Variants in EBF2 observed in about 807,000 individuals in gnomAD.
EBF2 encodes transcription factor COE2.
In EBF2, 21 loss-of-function variants were observed where a neutral mutation model predicts 72.8. The observed-to-expected ratio is 0.29, with a 90% CI of 0.20 to 0.42. The LOEUF (loss-of-function observed/expected upper bound fraction) is 0.42. Ranked by LOEUF, EBF2 falls within the 10% of genes least tolerant of loss-of-function variation. The pLI, the probability that EBF2 is intolerant of heterozygous loss-of-function variation, is 1.00. For synonymous variants in EBF2, 299 were observed against 274.2 expected (o/e 1.09, Z -0.89); for missense variants, 637 against 731.2 (o/e 0.87, Z 1.49).
intron 15 of EBF2, among the ~76,000 whole-genome samples, chr8:25,845,537 C>T (rs1416385463): frequency 3.3e-5 from 5 of 152,214 alleles, no homozygotes; most frequent in African/African-American, 9.6e-5. Flanking sequence ...CCAATTCCTA[C>T]TCTTCATCAC....
intron 6 of EBF2, among the ~76,000 whole-genome samples, chr8:26,000,331 A>G (rs1323609999): frequency 1.3e-5 from 2 of 152,188 alleles, no homozygotes; most frequent in Non-Finnish European, 2.9e-5. Flanking sequence ...AGTGGCCTTT[A>G]TGAAGCTCAA....
intron 6 of EBF2, among the ~76,000 whole-genome samples, chr8:25,926,936 A>C (rs1803397390): frequency 1.3e-5 from 2 of 152,210 alleles, no homozygotes; most frequent in Admixed American, 6.5e-5. Context: ...GAGGATTCAG[A>C]AGTCCAAGGA....
chr8:26,033,577 C>T (rs1033556922), intron 5 of EBF2, among the ~76,000 whole-genome samples: 3 of 152,140 alleles, frequency 2.0e-5, no homozygotes, highest in South Asian at 4.1e-4. Flanking sequence ...AAACAACACA[C>T]ACTGGGGCCT....
chr8:25,873,991 G>A (rs1424294280), intron 10 of EBF2, among the ~76,000 whole-genome samples: 1 of 152,170 alleles, frequency 6.6e-6, no homozygotes, highest in Non-Finnish European at 1.5e-5. Flanking sequence ...CAAGAGGTGG[G>A]AGTGGAGACA....
intron 6 of EBF2, among the ~76,000 whole-genome samples, chr8:25,954,590 G>A (rs1264011114): frequency 6.6e-6 from 1 of 152,146 alleles, no homozygotes; most frequent in Non-Finnish European, 1.5e-5. Flanking sequence ...TCAATGCGGA[G>A]GAAACGTCGT....
In EBF2 at chr8:25,861,158, C is replaced by T. The variant is rs755279079; in HGVS notation, c.1233G>A (p.Gln411=). 22 of 1,614,000 alleles carry T rather than the reference C, an allele frequency of 1.4e-5. No homozygotes were observed. The highest frequency in any genetic ancestry group is 6.7e-5 in the Admixed American group (4 of 59,990). ...CTGGGGAGCTAGAGAGGGCTGGAAG[C>T]TGGCTGGGATTCCTGGGGACGCTGT... ...ALYSVPRNPS[Q]LPALSSSPAH... is the part of the protein sequence containing the mutation. Residue 411 remains glutamine (Q), a synonymous_variant, in exon 13 of 16, where the codon CAG becomes CAA. Transcript: ENST00000520164.
In EBF2 at chr8:26,044,666, C is replaced by A; in HGVS notation, c.131+63G>T. The A allele has an allele frequency of 1.3e-6, 2 of 1,566,432 alleles. No individual in the cohort carries two copies. The highest frequency in any genetic ancestry group is 1.7e-6 in the Non-Finnish European group (2 of 1,149,970). On this transcript the variant is annotated intron_variant, in intron 1 of 15. Transcript: ENST00000520164. The surrounding 1 kb of genome is among the most constrained non-coding windows in gnomAD (Gnocchi z 4.1). Reference sequence around the variant, plus strand: ...AGGCACGGGGTGCGCGGGGGGGGTGCACACGGAGAGACAGACCGTAAGAGC... The same window carrying A: ...AGGCACGGGGTGCGCGGGGGGGGTGAACACGGAGAGACAGACCGTAAGAGC...
chr8:25,880,441 C>G (rs541008339), intron 10 of EBF2, among the ~76,000 whole-genome samples: 1 of 152,288 alleles, frequency 6.6e-6, no homozygotes, highest in East Asian at 1.9e-4. Flanking sequence ...CTAACTTTTT[C>G]TTTTAATGCC....
At chr8:25,988,826 G>C (rs1326499193) in intron 6 of EBF2, among the ~76,000 whole-genome samples, 1 of 152,136 alleles carries the variant, frequency 6.6e-6, no homozygotes, top group African/African-American at 2.4e-5. Flanking sequence ...GCCCCAAGTC[G>C]CATAACTAAA....
intron 14 of EBF2, 103 bp from the exon 15 acceptor site, chr8:25,850,864 TC>T: frequency 7.4e-7 from 1 of 1,343,406 alleles, no homozygotes; most frequent in Non-Finnish European, 9.9e-7. Context: ...CATGCATTGT[TC>T]CAGATTGCAG....
intron 6 of EBF2, among the ~76,000 whole-genome samples, chr8:26,017,044 C>T (rs554278737): frequency 6.2e-4 from 94 of 152,148 alleles, no homozygotes; most frequent in African/African-American, 1.9e-3. Flanking sequence ...TTTCTCCCCC[C>T]ACCCCAAACA....
intron 6 of EBF2, among the ~76,000 whole-genome samples, chr8:25,998,548 C>T (rs950864567): frequency 6.6e-6 from 1 of 152,148 alleles, no homozygotes; most frequent in Non-Finnish European, 1.5e-5. Flanking sequence ...ATGGATCCTT[C>T]CATGTAAACT....
intron 10 of EBF2, among the ~76,000 whole-genome samples, chr8:25,875,495 A>G (rs1563384995): frequency 1.3e-5 from 2 of 152,206 alleles, no homozygotes; most frequent in Admixed American, 1.3e-4. Flanking sequence ...TGTGGAGTTC[A>G]TATTTCTTTG....
intron 6 of EBF2, among the ~76,000 whole-genome samples, chr8:25,926,677 C>T (rs189524245): frequency 2.0e-5 from 3 of 152,306 alleles, no homozygotes; most frequent in East Asian, 3.9e-4. Context: ...GGCATAAAAA[C>T]TCCCAGAAGC....
intron 10 of EBF2, among the ~76,000 whole-genome samples, chr8:25,878,035 A>T (rs906456619): frequency 6.6e-6 from 1 of 152,160 alleles, no homozygotes; most frequent in African/African-American, 2.4e-5. Context: ...AGCTTTACAG[A>T]TGATGGAAAT....
chr8:25,858,416 G>A lies in EBF2; in HGVS notation c.1431C>T (p.Asn477=), dbSNP rs757731923. The part of the protein sequence containing the change: ...PQQSNYSTSS[N]SMNGYSNVPM... Reference sequence around the variant, plus strand: ...GGACATTGCTGTAGCCATTCATACTGTTGCTGGAGGTACTGTAATTAGACT... The same window carrying A: ...GGACATTGCTGTAGCCATTCATACTATTGCTGGAGGTACTGTAATTAGACT... The change falls in exon 14 of 16, where the codon AAC becomes AAT. Residue 477 remains asparagine (N), a synonymous_variant. Coordinates refer to ENST00000520164, the MANE Select transcript of EBF2 (RefSeq NM_022659.4). The A allele has an allele frequency of 1.2e-6, 2 of 1,614,016 alleles. No individual in the cohort carries two copies. The highest frequency in any genetic ancestry group is 1.3e-5 in the African/African-American group (1 of 74,902).
intron 6 of EBF2, among the ~76,000 whole-genome samples, chr8:25,990,646 C>G (rs1804528073): frequency 3.9e-5 from 6 of 152,178 alleles, no homozygotes; most frequent in Admixed American, 1.3e-4. Flanking sequence ...TTGACTCAGC[C>G]CATGTCTTCT....
intron 14 of EBF2, among the ~76,000 whole-genome samples, chr8:25,853,754 T>C (rs1472594811): frequency 1.3e-5 from 2 of 152,134 alleles, no homozygotes; most frequent in African/African-American, 2.4e-5. Flanking sequence ...GGGTACATTA[T>C]ATTTAGCCTA....
intron 6 of EBF2, among the ~76,000 whole-genome samples, chr8:25,932,992 A>G (rs1803510465): frequency 6.6e-6 from 1 of 152,192 alleles, no homozygotes; most frequent in Admixed American, 6.5e-5. Flanking sequence ...ATTCAAACTC[A>G]GTGAAGGCAA....
Sources: gnomAD v4.1 joint callset for allele counts (sites outside exome capture counted in the v4.1 genomes callset) on GRCh38, gnomAD v4.1.1 for gene constraint, Gnocchi (gnomAD v3.1) non-coding constraint, MANE v1.5 for transcripts, NCBI Gene and HGNC (gene_info 2026-07-23, HGNC 2026-07-21) for gene names.